The following GRIP1 variants were observed in gnomAD, a reference collection of about 807,000 sequenced individuals.
GRIP1 encodes the protein glutamate receptor-interacting protein 1.
In GRIP1, 45 loss-of-function variants were observed where a neutral mutation model predicts 129.9. That is an observed-to-expected ratio of 0.35 (90% CI 0.27 to 0.44). The LOEUF (loss-of-function observed/expected upper bound fraction) is 0.44. Among genes scored for constraint, GRIP1 ranks in the 20% least tolerant of loss-of-function variants. GRIP1 has a pLI of 1.00. For missense variants in GRIP1, 1,196 were observed against 1,396.8 expected (o/e 0.86, Z 2.29); for synonymous variants, 530 against 520.8 (o/e 1.02, Z -0.24).
chr12:66,664,035 T>C (rs890939472), intron 1 of GRIP1, among the ~76,000 whole-genome samples: 5 of 152,254 alleles, frequency 3.3e-5, no homozygotes, highest in African/African-American at 1.2e-4. Flanking sequence ...TAATTGGATT[T>C]ATTTTCTATC....
chr12:66,775,570 A>T (rs906091407), intron 1 of GRIP1, among the ~76,000 whole-genome samples: 1 of 152,202 alleles, frequency 6.6e-6, no homozygotes, highest in Non-Finnish European at 1.5e-5. Context: ...AATAGATCCT[A>T]AACAAAAATA....
At chr12:66,451,983 C>T (rs946976556) in intron 11 of GRIP1, among the ~76,000 whole-genome samples, 23 of 152,154 alleles carry the variant, frequency 1.5e-4, no homozygotes, top group African/African-American at 5.1e-4. Flanking sequence ...ATTTTCTTTC[C>T]TTCAGCTCTT....
chr12:66,910,599 ATTT>A (rs2041013133), intron 1 of GRIP1, among the ~76,000 whole-genome samples: 1 of 152,154 alleles, frequency 6.6e-6, no homozygotes, highest in African/African-American at 2.4e-5. Context: ...GGCCCTTCCT[ATTT>A]AGCACACCTT....
At chr12:66,601,871 A>G (rs1264101683) in intron 1 of GRIP1, among the ~76,000 whole-genome samples, 1 of 152,218 alleles carries the variant, frequency 6.6e-6, no homozygotes, top group Non-Finnish European at 1.5e-5. Flanking sequence ...AGTACCTACT[A>G]TGTGCAAACT....
At chr12:66,965,490 G>A (rs1481370307) in intron 1 of GRIP1, among the ~76,000 whole-genome samples, 1 of 150,892 alleles carries the variant, frequency 6.6e-6, no homozygotes, top group East Asian at 2.0e-4. Flanking sequence ...TATCTATGAG[G>A]GGGTTTTAGT....
chr12:66,948,369 C>T (rs780858972), intron 1 of GRIP1, among the ~76,000 whole-genome samples: 1 of 152,158 alleles, frequency 6.6e-6, no homozygotes, highest in Non-Finnish European at 1.5e-5. Context: ...TGAGCTGTGG[C>T]ATGAATATGC....
intron 1 of GRIP1, among the ~76,000 whole-genome samples, chr12:66,599,442 A>G (rs866694429): frequency 6.6e-6 from 1 of 152,216 alleles, no homozygotes. Flanking sequence ...TTGGTTTTTA[A>G]GAGACTTTCC....
intron 1 of GRIP1, among the ~76,000 whole-genome samples, chr12:66,886,955 T>C (rs559934356): frequency 6.6e-6 from 1 of 152,324 alleles, no homozygotes; most frequent in East Asian, 1.9e-4. Flanking sequence ...AAGTGAGAGC[T>C]ATACGAGAGG....
intron 2 of GRIP1, among the ~76,000 whole-genome samples, chr12:66,584,903 T>C (rs2063556227): frequency 6.6e-6 from 1 of 151,872 alleles, no homozygotes; most frequent in Non-Finnish European, 1.5e-5. Flanking sequence ...ACTAAGGAAA[T>C]AGAGCAATCA....
intron 1 of GRIP1, among the ~76,000 whole-genome samples, chr12:67,061,396 C>T (rs1222023787): frequency 1.3e-5 from 2 of 152,176 alleles, no homozygotes; most frequent in Non-Finnish European, 2.9e-5. Flanking sequence ...GAGAAAGCCA[C>T]AGTCAAGATG....
intron 1 of GRIP1, among the ~76,000 whole-genome samples, chr12:66,890,286 C>T (rs1028597571): frequency 3.3e-5 from 5 of 152,110 alleles, no homozygotes; most frequent in Non-Finnish European, 4.4e-5. Flanking sequence ...AGTAAATTTC[C>T]GATCCAGGTC....
At chr12:66,931,547 C>G (rs2041396531) in intron 1 of GRIP1, among the ~76,000 whole-genome samples, 1 of 152,214 alleles carries the variant, frequency 6.6e-6, no homozygotes, top group African/African-American at 2.4e-5. Context: ...TTAAAATCTA[C>G]ATGCACTATT....
chr12:66,882,210 CAAAAAA>C (rs59374332), intron 1 of GRIP1, among the ~76,000 whole-genome samples: 24 of 129,478 alleles, frequency 1.9e-4, no homozygotes, highest in East Asian at 2.3e-4. Flanking sequence ...TGTGCCATCA[CAAAAAA>C]AAAAAAAAAA....
chr12:67,006,762 AG>A (rs1358995691), intron 1 of GRIP1, among the ~76,000 whole-genome samples: 1 of 152,180 alleles, frequency 6.6e-6, no homozygotes, highest in Admixed American at 6.5e-5. Context: ...GCAACAAAAA[AG>A]GGCTTTTGTT....
chr12:66,455,796 CTG>C (rs2058942503), intron 10 of GRIP1, among the ~76,000 whole-genome samples: 3 of 152,236 alleles, frequency 2.0e-5, no homozygotes, highest in African/African-American at 4.8e-5. Context: ...CAAAGAGACT[CTG>C]TGAGAATTGC....
At chr12:66,579,144 AAAC>A (rs1481377134) in intron 2 of GRIP1, among the ~76,000 whole-genome samples, 2 of 152,234 alleles carry the variant, frequency 1.3e-5, no homozygotes, top group Non-Finnish European at 2.9e-5. Context: ...ATACCCAGGC[AAAC>A]AGGGTCTGGA....
chr12:67,065,022 G>A (rs1175983754), intron 1 of GRIP1: 1 of 150,240 alleles, frequency 6.7e-6, no homozygotes, highest in Non-Finnish European at 1.5e-5. Context: ...TTGTTCTTGC[G>A]ATAGTTTACT....
intron 16 of GRIP1, among the ~76,000 whole-genome samples, chr12:66,400,934 ATT>A (rs10708057): frequency 6.6e-6 from 1 of 152,020 alleles, no homozygotes; most frequent in Non-Finnish European, 1.5e-5. Flanking sequence ...AAAACAATAG[ATT>A]TTTTTCAAGA....
At position 66,361,681 on chromosome 12, in the gene GRIP1, C is replaced by T. The variant is rs573754787; in HGVS notation, c.3013-8118G>A. On this transcript the variant is annotated intron_variant, in intron 23 of 24. Transcript: ENST00000359742. ...GCTGGCTGTGGCGGAGTCCCTGTTGCGGGTGTCTTTGCTCAGGCCTGCCTG... is the reference window on the plus strand; with the variant it reads ...GCTGGCTGTGGCGGAGTCCCTGTTGTGGGTGTCTTTGCTCAGGCCTGCCTG... 1.7e-4 allele frequency among the ~76,000 whole-genome samples: 26 copies of T among 152,210 alleles called. No individual in the cohort carries two copies. In the South Asian group the frequency reaches 5.0e-3, roughly 29 times the overall value.
Sources: allele counts gnomAD v4.1 joint callset (sites outside exome capture counted in the v4.1 genomes callset), GRCh38; gene constraint gnomAD v4.1.1; transcripts MANE v1.5; gene names NCBI Gene and HGNC (gene_info 2026-07-23, HGNC 2026-07-21).